PRKD1: variants seen among roughly 807,000 people sequenced by gnomAD.
PRKD1 encodes serine/threonine-protein kinase D1.
Under a neutral mutation model 95.9 loss-of-function variants are expected in PRKD1, and 63 were observed. That is an observed-to-expected ratio of 0.66 (90% CI 0.54 to 0.81). The LOEUF (loss-of-function observed/expected upper bound fraction) is 0.81, where lower values mean the gene tolerates loss of function less well. PRKD1 is among the 30% of genes least tolerant of loss of function. The pLI is 0.00. For missense variants in PRKD1, 1,048 were observed against 1,165.3 expected (o/e 0.90, Z 1.47); for synonymous variants, 425 against 423.1 (o/e 1.00, Z -0.05).
At chr14:29,896,388 C>CA (rs1894127281) in intron 1 of PRKD1, among the ~76,000 whole-genome samples, 1 of 136,890 alleles carries the variant, frequency 7.3e-6, no homozygotes, top group African/African-American at 2.7e-5. Flanking sequence ...ACACACACAC[C>CA]CATCAAGACT....
At chr14:29,679,996 G>A (rs1026262920) in intron 2 of PRKD1, among the ~76,000 whole-genome samples, 2 of 152,154 alleles carry the variant, frequency 1.3e-5, no homozygotes, top group African/African-American at 2.4e-5. Flanking sequence ...AATGTGGGAA[G>A]TGAGGGGTAC....
Position 29,676,714 on chromosome 14 carries a change from G to A in PRKD1, c.404-10506C>T, listed in dbSNP as rs80066435. ...CTGAGAAAACCGAGATATTAAGGTAGGGGTGGATGAAAAGTAGGCAAATAA... is the reference window on the plus strand; with the variant it reads ...CTGAGAAAACCGAGATATTAAGGTAAGGGTGGATGAAAAGTAGGCAAATAA... On this transcript the variant is annotated intron_variant, in intron 2 of 17. Coordinates refer to ENST00000331968, the MANE Select transcript of PRKD1 (RefSeq NM_002742.3). 7.0e-4 allele frequency among the ~76,000 whole-genome samples: 107 copies of A among 152,288 alleles called. No homozygotes were observed. The East Asian group carries it at 0.019, about 27-fold the overall frequency.
At chr14:29,825,105 G>T (rs1347509859) in intron 1 of PRKD1, among the ~76,000 whole-genome samples, 4 of 152,008 alleles carry the variant, frequency 2.6e-5, no homozygotes, top group African/African-American at 9.7e-5. Context: ...AAAATCTAGT[G>T]AACCGCCAGT....
At chr14:29,768,285 T>C (rs1888343018) in intron 1 of PRKD1, among the ~76,000 whole-genome samples, 1 of 152,182 alleles carries the variant, frequency 6.6e-6, no homozygotes, top group Non-Finnish European at 1.5e-5. Context: ...CACATAAAGT[T>C]CCCTGCATTT....
Position 29,597,683 on chromosome 14 carries a change from C to CG in PRKD1, c.2241dup (p.Ala748ArgfsTer6). The CG allele has an allele frequency of 6.2e-7, 1 of 1,613,854 alleles. No homozygotes were observed. The stretch of plus-strand genomic sequence containing the variant: ...CTTAGGACCTCAGGAGCCAGGTAAG[C>CG]GGGGGTACCCACCACTGACCTCCGG... On this transcript the variant is annotated frameshift_variant, in exon 16 of 18. Transcript: ENST00000331968. LOFTEE classifies it high-confidence loss of function.
At chr14:29,622,467 G>A (rs947299555) in intron 13 of PRKD1, among the ~76,000 whole-genome samples, 15 of 148,612 alleles carry the variant, frequency 1.0e-4, no homozygotes, top group African/African-American at 2.0e-4. Context: ...GCAATGGCAC[G>A]ATCTTGGCTC....
At chr14:29,594,971 C>T (rs1325717325) in intron 16 of PRKD1, among the ~76,000 whole-genome samples, 1 of 150,744 alleles carries the variant, frequency 6.6e-6, no homozygotes, top group Non-Finnish European at 1.5e-5. Context: ...GAGTTCTGTT[C>T]ATACATCAGC....
At chr14:29,720,919 A>G (rs776162161) in intron 2 of PRKD1, among the ~76,000 whole-genome samples, 2 of 152,182 alleles carry the variant, frequency 1.3e-5, no homozygotes, top group Non-Finnish European at 2.9e-5. Context: ...TACCTGAATC[A>G]TTTGGCAAAC....
rs561708111 is a variant in PRKD1 at position 29,865,862 on chromosome 14, C to T, written c.264+61387G>A. Among the ~76,000 whole-genome samples, 15 of 152,160 alleles carry T rather than the reference C, an allele frequency of 9.9e-5. No homozygotes were observed. The East Asian group carries it at 1.4e-3, about 14-fold the overall frequency. ...CTTCTCTCCAGATTACCTATAACAA[C>T]AAACCTTCTGCTAGTCCTGTATGTT... On this transcript the variant is annotated intron_variant, in intron 1 of 17. Transcript: ENST00000331968.
At chr14:29,787,220 T>G (rs988533072) in intron 1 of PRKD1, among the ~76,000 whole-genome samples, 1 of 149,440 alleles carries the variant, frequency 6.7e-6, no homozygotes, top group Non-Finnish European at 1.5e-5. Flanking sequence ...TCAGTGTTTT[T>G]TTTTTTTTTT....
intron 2 of PRKD1, among the ~76,000 whole-genome samples, chr14:29,692,469 C>T (rs1184285740): frequency 1.3e-5 from 2 of 152,108 alleles, no homozygotes; most frequent in African/African-American, 4.8e-5. Flanking sequence ...TTCAGAATGG[C>T]CATTCTCTTA....
At chr14:29,871,096 A>ACAT in intron 1 of PRKD1, among the ~76,000 whole-genome samples, 1 of 152,192 alleles carries the variant, frequency 6.6e-6, no homozygotes, top group South Asian at 2.1e-4. Flanking sequence ...GTTTTGCCAA[A>ACAT]CATAGGTGAC....
intron 1 of PRKD1, among the ~76,000 whole-genome samples, chr14:29,771,496 G>C (rs1888506651): frequency 6.6e-6 from 1 of 152,098 alleles, no homozygotes; most frequent in Admixed American, 6.5e-5. Context: ...GGTGGTGTCT[G>C]TGTGGTGTCA....
chr14:29,642,065 G>C (rs539318067), intron 4 of PRKD1, among the ~76,000 whole-genome samples: 46 of 151,830 alleles, frequency 3.0e-4, no homozygotes, highest in Non-Finnish European at 5.9e-4. Flanking sequence ...CACCACGCCC[G>C]GCTAATTTTG....
At chr14:29,614,553 C>T (rs1878713436) in intron 13 of PRKD1, among the ~76,000 whole-genome samples, 1 of 151,958 alleles carries the variant, frequency 6.6e-6, no homozygotes, top group African/African-American at 2.4e-5. Flanking sequence ...GTTATACAAG[C>T]ATAAAGATTT....
intron 1 of PRKD1, among the ~76,000 whole-genome samples, chr14:29,776,668 T>A (rs931340085): frequency 6.6e-6 from 1 of 152,180 alleles, no homozygotes; most frequent in South Asian, 2.1e-4. Context: ...CTAGATCTGA[T>A]TGCTGTACCT....
chr14:29,785,870 G>A (rs1292993620), intron 1 of PRKD1, among the ~76,000 whole-genome samples: 1 of 150,452 alleles, frequency 6.6e-6, no homozygotes, highest in African/African-American at 2.4e-5. Flanking sequence ...AAAGTTTGGT[G>A]GGGCTGTCAA....
chr14:29,779,605 G>C (rs1730925407), intron 1 of PRKD1, among the ~76,000 whole-genome samples: 1 of 152,220 alleles, frequency 6.6e-6, no homozygotes, highest in East Asian at 1.9e-4. Context: ...TCTTCCAGGA[G>C]AACTACAAAC....
intron 2 of PRKD1, among the ~76,000 whole-genome samples, chr14:29,698,926 T>C (rs1414840189): frequency 6.6e-6 from 1 of 152,100 alleles, no homozygotes; most frequent in Non-Finnish European, 1.5e-5. Flanking sequence ...CAGATTCGCG[T>C]GGTTAAGTAT....
Sources: gnomAD v4.1 joint callset for allele counts (sites outside exome capture counted in the v4.1 genomes callset) on GRCh38, gnomAD v4.1.1 for gene constraint, MANE v1.5 for transcripts, NCBI Gene and HGNC (gene_info 2026-07-23, HGNC 2026-07-21) for gene names.